Variants in NXPH2 observed in about 807,000 individuals in gnomAD.
NXPH2 encodes neurexophilin 2, also known as neurexophilin-2.
Under a neutral mutation model 19.8 loss-of-function variants are expected in NXPH2, and 5 were observed. The observed-to-expected ratio is 0.25, with a 90% confidence interval of 0.13 to 0.53. The LOEUF is 0.53. NXPH2 is among the 20% of genes least tolerant of loss of function. The pLI, the probability that NXPH2 is intolerant of heterozygous loss-of-function variation, is 0.96. For synonymous variants in NXPH2, 154 were observed against 127.4 expected (o/e 1.21, Z -1.41); for missense variants, 289 against 322.8 (o/e 0.90, Z 0.80).
intron 1 of NXPH2, among the ~76,000 whole-genome samples, chr2:138,725,870 G>T (rs967348274): frequency 6.6e-6 from 1 of 152,134 alleles, no homozygotes; most frequent in South Asian, 2.1e-4. Flanking sequence ...CATTGTTCCA[G>T]TAATGTCATT....
chr2:138,759,406 G>C (rs1404756497), intron 1 of NXPH2, among the ~76,000 whole-genome samples: 2 of 151,770 alleles, frequency 1.3e-5, no homozygotes, highest in African/African-American at 4.8e-5. Flanking sequence ...TCTATGCTTG[G>C]TCCAAGAGAG....
rs146593343 is a variant in NXPH2 at position 138,733,885 on chromosome 2, A to C, written c.51+46306T>G. ...TAGTGGAAAGATTTGCAACTACATC[A>C]GGAAAAGAAAAGACGTAGGGGAAAA... On this transcript the variant is annotated intron_variant, in intron 1 of 1. Transcript: ENST00000272641. Among the ~76,000 whole-genome samples, 609 of 152,332 alleles carry C rather than the reference A, an allele frequency of 4.0e-3. 2 individuals carry two copies. The highest frequency in any genetic ancestry group is 7.7e-3 in the South Asian group (37 of 4,822).
chr2:138,690,505 TTC>T (rs1680730512), intron 1 of NXPH2, among the ~76,000 whole-genome samples: 1 of 152,170 alleles, frequency 6.6e-6, no homozygotes, highest in East Asian at 1.9e-4. Flanking sequence ...AGATGGGTCC[TTC>T]TGGCTTTCCA....
At chr2:138,776,571 T>C (rs939949669) in intron 1 of NXPH2, among the ~76,000 whole-genome samples, 3 of 151,886 alleles carry the variant, frequency 2.0e-5, no homozygotes, top group African/African-American at 7.2e-5. Flanking sequence ...GAGGAGTTCA[T>C]TTTAATGCAC....
intron 1 of NXPH2, among the ~76,000 whole-genome samples, chr2:138,698,257 T>C (rs541296448): frequency 3.1e-4 from 47 of 152,272 alleles, no homozygotes; most frequent in African/African-American, 1.0e-3. Context: ...TTTAATAATA[T>C]GGGGGATACT....
intron 1 of NXPH2, among the ~76,000 whole-genome samples, chr2:138,747,848 T>A (rs1681765819): frequency 6.6e-6 from 1 of 152,182 alleles, no homozygotes. Context: ...TTGTCTACGC[T>A]GCCTCCCTTC....
At chr2:138,718,962 G>T (rs553214339) in intron 1 of NXPH2, among the ~76,000 whole-genome samples, 1 of 152,200 alleles carries the variant, frequency 6.6e-6, no homozygotes, top group East Asian at 1.9e-4. Flanking sequence ...GCTAAAGTTG[G>T]GGGGTGGGGG....
At chr2:138,736,417 T>C (rs1191776658) in intron 1 of NXPH2, among the ~76,000 whole-genome samples, 1 of 152,246 alleles carries the variant, frequency 6.6e-6, no homozygotes, top group Non-Finnish European at 1.5e-5. Context: ...TTGCAACCTC[T>C]GAAGCCATGG....
chr2:138,676,945 GC>G (rs1421660797), intron 1 of NXPH2, among the ~76,000 whole-genome samples: 2 of 152,148 alleles, frequency 1.3e-5, no homozygotes, highest in Non-Finnish European at 2.9e-5. Flanking sequence ...AGCTCTCTTT[GC>G]CAACAAAATG....
intron 1 of NXPH2, among the ~76,000 whole-genome samples, chr2:138,772,158 G>A (rs1333220662): frequency 3.3e-5 from 5 of 152,006 alleles, no homozygotes; most frequent in African/African-American, 7.3e-5. Flanking sequence ...AGTGGTATAG[G>A]TGAGATCCTG....
At chr2:138,676,122 C>G (rs1413775776) in intron 1 of NXPH2, among the ~76,000 whole-genome samples, 1 of 152,150 alleles carries the variant, frequency 6.6e-6, no homozygotes, top group Non-Finnish European at 1.5e-5. Flanking sequence ...TTAAAATACA[C>G]GTACAGTTCT....
chr2:138,744,273 T>C (rs761686575), intron 1 of NXPH2, among the ~76,000 whole-genome samples: 7 of 152,130 alleles, frequency 4.6e-5, no homozygotes, highest in Non-Finnish European at 7.4e-5. Context: ...CTCTTACAAG[T>C]ACAGATAAAT....
intron 1 of NXPH2, among the ~76,000 whole-genome samples, chr2:138,674,039 A>G (rs1680451144): frequency 6.6e-6 from 1 of 151,934 alleles, no homozygotes; most frequent in Non-Finnish European, 1.5e-5. Context: ...GGCTGGAGGC[A>G]TAATCATAGC....
intron 1 of NXPH2, among the ~76,000 whole-genome samples, chr2:138,688,832 C>G (rs561646239): frequency 7.9e-5 from 12 of 152,300 alleles, no homozygotes; most frequent in Middle Eastern, 3.4e-3. Context: ...CACCGCCCCC[C>G]CAACCCCCGG....
chr2:138,742,108 G>T (rs1681653170), intron 1 of NXPH2, among the ~76,000 whole-genome samples: 1 of 152,134 alleles, frequency 6.6e-6, no homozygotes, highest in African/African-American at 2.4e-5. Context: ...CATTACCAGG[G>T]TATTAATCCC....
At chr2:138,744,002 C>A (rs1211105796) in intron 1 of NXPH2, among the ~76,000 whole-genome samples, 842 of 85,214 alleles carry the variant, frequency 9.9e-3, no homozygotes, top group East Asian at 0.02. Flanking sequence ...GACTCCATCT[C>A]AAAAAAAAAA....
chr2:138,775,573 T>C (rs1573986692), intron 1 of NXPH2, among the ~76,000 whole-genome samples: 2 of 152,114 alleles, frequency 1.3e-5, no homozygotes, highest in African/African-American at 4.8e-5. Flanking sequence ...TGTTAGAAAA[T>C]CTTACGGCAG....
chr2:138,680,458 G>T (rs72860159), intron 1 of NXPH2, among the ~76,000 whole-genome samples: 6,251 of 152,222 alleles, frequency 0.041, 193 homozygotes, highest in Non-Finnish European at 0.06. Context: ...CATTTCAGGA[G>T]CCCACATTTG....
In NXPH2 at chr2:138,670,836, A is replaced by T; in HGVS notation, c.*86T>A. On this transcript the variant is annotated 3_prime_UTR_variant, in exon 2 of 2. Transcript: ENST00000272641. ...TTGTTCACTGCCAGAAACAAAAGGG[A>T]TCCTTTATCATAAAGAGCTGGGCTT... 1 of 1,394,160 alleles carries T rather than the reference A, an allele frequency of 7.2e-7. No homozygotes were observed. 86.4% of individuals were successfully genotyped at this position (1,394,160 alleles called of 1,614,324 possible).
Sources: allele counts gnomAD v4.1 joint callset (sites outside exome capture counted in the v4.1 genomes callset), GRCh38; gene constraint gnomAD v4.1.1; transcripts MANE v1.5; gene names NCBI Gene and HGNC (gene_info 2026-07-23, HGNC 2026-07-21).